URI1: variants seen among roughly 807,000 people sequenced by gnomAD.
The protein encoded by URI1 is URI1 prefoldin like chaperone.
URI1 carries 39 observed loss-of-function variants against 60.2 expected under a neutral mutation model. That is an observed-to-expected ratio of 0.65 (90% CI 0.50 to 0.85). URI1 has a LOEUF of 0.85. Among genes scored for constraint, URI1 ranks in the 40% least tolerant of loss-of-function variants. The pLI is 0.00. For missense variants in URI1, 691 were observed against 665.9 expected (o/e 1.04, Z -0.42); for synonymous variants, 251 against 236.8 (o/e 1.06, Z -0.55).
chr19:29,930,746 G>A (rs1398576970), intron 1 of URI1, among the ~76,000 whole-genome samples: 1 of 152,024 alleles, frequency 6.6e-6, no homozygotes, highest in Non-Finnish European at 1.5e-5. Flanking sequence ...CCAGGCTGGA[G>A]TGCAGTGGTG....
rs114498724 is a variant in URI1 at position 29,986,513 on chromosome 19, G to A, written c.367+96G>A. On this transcript the variant is annotated intron_variant, in intron 4 of 10. Coordinates refer to ENST00000392271, the MANE Select transcript of URI1 (RefSeq NM_003796.3). ...CTGTTTCTTACCAAAAGTACCTTCC[G>A]TGATCTATGAATCCAGGCTGTTTGT... is the stretch of plus-strand genomic sequence containing the variant. 1.6e-4 allele frequency: 234 copies of A among 1,425,954 alleles called. 1 individual carries two copies. The African/African-American group carries it at 3.2e-3, about 19-fold the overall frequency. The allele number at this position is 1,425,954 out of a possible 1,614,324, so 88.3% of individuals were successfully genotyped here.
At chr19:29,969,605 T>A (rs1198447950) in intron 1 of URI1, among the ~76,000 whole-genome samples, 1 of 152,226 alleles carries the variant, frequency 6.6e-6, no homozygotes, top group Non-Finnish European at 1.5e-5. Context: ...CATTCTGCTC[T>A]TATGGTTTGC....
At chr19:29,945,661 A>G (rs2055094067) in intron 1 of URI1, among the ~76,000 whole-genome samples, 1 of 152,222 alleles carries the variant, frequency 6.6e-6, no homozygotes, top group South Asian at 2.1e-4. Context: ...TTATAAAGAG[A>G]AAAACTAAAA....
At position 30,015,518 on chromosome 19, in the gene URI1, A is replaced by C. The variant is rs2056075158; in HGVS notation, c.*449A>C. On this transcript the variant is annotated 3_prime_UTR_variant, in exon 11 of 11. Coordinates refer to ENST00000392271, the MANE Select transcript of URI1 (RefSeq NM_003796.3). ...TCACATTTTAAAGGCACTTTAAAAA[A>C]ATCTACTTCTCTTGTAGGTTTTGCG... 1 of 1,530,906 alleles carries C rather than the reference A, an allele frequency of 6.5e-7. No individual in the cohort carries two copies. The highest frequency in any genetic ancestry group is 8.7e-7 in the Non-Finnish European group (1 of 1,145,288). The allele number at this position is 1,530,906 out of a possible 1,614,324, so 94.8% of individuals were successfully genotyped here.
intron 3 of URI1, among the ~76,000 whole-genome samples, chr19:29,985,840 T>A (rs1390389611): frequency 6.6e-6 from 1 of 152,238 alleles, no homozygotes; most frequent in Non-Finnish European, 1.5e-5. Context: ...TATAGCTAGA[T>A]AGATCCATTA....
At chr19:29,954,569 C>T (rs1443325430) in intron 1 of URI1, among the ~76,000 whole-genome samples, 1 of 139,582 alleles carries the variant, frequency 7.2e-6, no homozygotes, top group East Asian at 2.1e-4. Context: ...GGCTGGAGTG[C>T]AGTGGCGCAA....
At chr19:29,983,531 T>G (rs1046116903) in intron 2 of URI1, among the ~76,000 whole-genome samples, 1 of 152,244 alleles carries the variant, frequency 6.6e-6, no homozygotes. Flanking sequence ...TTTATCCTGA[T>G]TTCAATTTGA....
At chr19:29,935,383 A>T (rs1040433223) in intron 1 of URI1, among the ~76,000 whole-genome samples, 1 of 152,166 alleles carries the variant, frequency 6.6e-6, no homozygotes, top group Non-Finnish European at 1.5e-5. Flanking sequence ...ATTTATAATT[A>T]TTGTTTCATG....
Position 30,007,463 on chromosome 19 carries a change from T to C in URI1, c.518-7T>C. On this transcript the variant is annotated splice_region_variant and splice_polypyrimidine_tract_variant and intron_variant, in intron 6 of 10. Transcript: ENST00000392271. Reference sequence around the variant, plus strand: ...TAACAGCCACGTCTTTTCCTTTTTCTAAATAGCAAAACACCGAATTGCTCA... The same window carrying C: ...TAACAGCCACGTCTTTTCCTTTTTCCAAATAGCAAAACACCGAATTGCTCA... The C allele has an allele frequency of 6.2e-7, 1 of 1,611,960 alleles. No homozygotes were observed. The highest frequency in any genetic ancestry group is 8.5e-7 in the Non-Finnish European group (1 of 1,178,896).
intron 2 of URI1, among the ~76,000 whole-genome samples, chr19:29,984,147 C>T (rs539771078): frequency 2.6e-5 from 4 of 152,112 alleles, no homozygotes; most frequent in Non-Finnish European, 4.4e-5. Context: ...TTCTTTCGGC[C>T]GGGTGTGGTG....
At chr19:30,001,210 A>G (rs1317307025) in intron 4 of URI1, among the ~76,000 whole-genome samples, 2 of 151,810 alleles carry the variant, frequency 1.3e-5, no homozygotes, top group Non-Finnish European at 2.9e-5. Context: ...TTGGCTAACC[A>G]TTTATACTTG....
chr19:29,952,161 A>G (rs768779581), intron 1 of URI1, among the ~76,000 whole-genome samples: 1 of 152,232 alleles, frequency 6.6e-6, no homozygotes, highest in Non-Finnish European at 1.5e-5. Flanking sequence ...TTTTGCAAAT[A>G]ATTTACAGGT....
At chr19:29,985,365 G>T in intron 3 of URI1, 64 bp downstream of exon 3, 2 of 1,387,526 alleles carry the variant, frequency 1.4e-6, no homozygotes, top group Non-Finnish European at 2.0e-6. Flanking sequence ...ACTATGTGTC[G>T]GTTCACAGAA....
intron 1 of URI1, among the ~76,000 whole-genome samples, chr19:29,931,185 G>A (rs1043452781): frequency 1.3e-5 from 2 of 152,150 alleles, no homozygotes; most frequent in Non-Finnish European, 2.9e-5. Flanking sequence ...GATTGGATAG[G>A]AATTGCACTG....
intron 2 of URI1, among the ~76,000 whole-genome samples, chr19:29,977,928 A>G (rs1160614486): frequency 6.6e-6 from 1 of 152,224 alleles, no homozygotes; most frequent in African/African-American, 2.4e-5. Context: ...AAGTTGAAAT[A>G]AGAAAGGAAT....
At position 29,942,424 on chromosome 19, in the gene URI1, T is replaced by C. The variant is rs1212208505; in HGVS notation, c.-124T>C. ...AGCAGCGGCGGCGGCGGGCGCGGCCTCCTGGGCGCGGGGCGCGCGGTGCCT... is the reference window on the plus strand; with the variant it reads ...AGCAGCGGCGGCGGCGGGCGCGGCCCCCTGGGCGCGGGGCGCGCGGTGCCT... On this transcript the variant is annotated 5_prime_UTR_variant, in exon 1 of 11. Transcript: ENST00000392271. The C allele has an allele frequency of 1.0e-6, 1 of 983,304 alleles. No individual in the cohort carries two copies. Among genetic ancestry groups the C allele is most frequent in the Admixed American group, 6.3e-5 (1 of 15,904 alleles). The allele number at this position is 983,304 out of a possible 1,614,324, so 60.9% of individuals were successfully genotyped here. A position where few individuals can be genotyped will look rare whatever the true frequency, so the allele number is the denominator to read the frequency against.
intron 1 of URI1, 50 bp downstream of exon 1, chr19:29,942,714 T>A: frequency 7.4e-7 from 1 of 1,344,508 alleles, no homozygotes; most frequent in Non-Finnish European, 9.6e-7. Flanking sequence ...GGGCTGCCCC[T>A]GCCTGTGCTC....
At chr19:30,002,348 T>G (rs562129346) in intron 4 of URI1, among the ~76,000 whole-genome samples, 1 of 152,184 alleles carries the variant, frequency 6.6e-6, no homozygotes, top group South Asian at 2.1e-4. Context: ...TAAGTTCTTA[T>G]GAGGTTTTAA....
intron 1 of URI1, among the ~76,000 whole-genome samples, chr19:29,932,206 C>T (rs540644938): frequency 1.3e-4 from 20 of 151,962 alleles, no homozygotes; most frequent in East Asian, 9.6e-4. Context: ...GTCCTAATAA[C>T]GTTGAAGAGG....
Sources: allele counts gnomAD v4.1 joint callset (sites outside exome capture counted in the v4.1 genomes callset), GRCh38; gene constraint gnomAD v4.1.1; transcripts MANE v1.5; gene names NCBI Gene and HGNC (gene_info 2026-07-23, HGNC 2026-07-21).